FAM13A: variants seen among roughly 807,000 people sequenced by gnomAD.
FAM13A encodes protein FAM13A.
FAM13A carries 76 observed loss-of-function variants against 129.6 expected under a neutral mutation model. That is an observed-to-expected ratio of 0.59 (90% CI 0.49 to 0.71). The LOEUF (loss-of-function observed/expected upper bound fraction) is 0.71, where lower values mean the gene tolerates loss of function less well. Ranked by LOEUF, FAM13A falls within the 30% of genes least tolerant of loss-of-function variation. The pLI is 0.00. For synonymous variants in FAM13A, 443 were observed against 449.9 expected, an observed-to-expected ratio of 0.98 and a Z score of 0.20; for missense variants, 1,108 against 1,249.3, an observed-to-expected ratio of 0.89 and a Z score of 1.70.
At chr4:88,967,942 C>G (rs11727482) in intron 4 of FAM13A, among the ~76,000 whole-genome samples, 84,632 of 151,924 alleles carry the variant, frequency 0.56, 23,839 homozygotes, top group African/African-American at 0.64. Context: ...CTGAGTGAGA[C>G]AGGCTGTGGT....
intron 7 of FAM13A, among the ~76,000 whole-genome samples, chr4:88,833,060 C>G (rs192519724): frequency 8.5e-4 from 130 of 152,238 alleles, no homozygotes; most frequent in African/African-American, 2.9e-3. Context: ...TAAAAAGGAA[C>G]AAGATCATGT....
At chr4:88,817,242 A>G (rs540713536) in intron 7 of FAM13A, among the ~76,000 whole-genome samples, 1 of 152,316 alleles carries the variant, frequency 6.6e-6, no homozygotes, top group South Asian at 2.1e-4. Context: ...ATGATATGTG[A>G]ATTATATCTC....
intron 14 of FAM13A, among the ~76,000 whole-genome samples, chr4:88,758,388 C>T (rs1530924): frequency 0.5 from 76,059 of 151,210 alleles, 21,569 homozygotes; most frequent in Non-Finnish European, 0.65. Flanking sequence ...GGGAGGATCG[C>T]GCCACAGAAG....
intron 6 of FAM13A, among the ~76,000 whole-genome samples, chr4:88,869,485 A>G (rs998785736): frequency 1.3e-5 from 2 of 152,188 alleles, no homozygotes; most frequent in South Asian, 2.1e-4. Context: ...GGAAATGTGC[A>G]TATTACCATT....
At chr4:89,035,860 G>A (rs1246513686) in intron 1 of FAM13A, among the ~76,000 whole-genome samples, 2 of 152,192 alleles carry the variant, frequency 1.3e-5, no homozygotes, top group East Asian at 3.8e-4. Flanking sequence ...TGTACAGCCT[G>A]CAGAACTGTG....
At chr4:88,817,178 T>C (rs962846662) in intron 7 of FAM13A, among the ~76,000 whole-genome samples, 10 of 152,336 alleles carry the variant, frequency 6.6e-5, no homozygotes, top group African/African-American at 1.9e-4. Flanking sequence ...TATGATTACA[T>C]GCAAACTGTA....
chr4:88,987,405 T>C (rs1178542231), intron 4 of FAM13A, among the ~76,000 whole-genome samples: 2 of 152,192 alleles, frequency 1.3e-5, no homozygotes, highest in Non-Finnish European at 2.9e-5. Context: ...GCAAAGGGAA[T>C]GCCACAGCCT....
intron 4 of FAM13A, among the ~76,000 whole-genome samples, chr4:88,975,078 G>A (rs1045038446): frequency 2.9e-4 from 44 of 152,054 alleles, no homozygotes; most frequent in Non-Finnish European, 7.4e-5. Context: ...GTAAATTAAT[G>A]ATAAAACTTG....
In FAM13A at chr4:88,728,396, G is replaced by A. The variant is rs192297613; in HGVS notation, c.*137C>T. On this transcript the variant is annotated 3_prime_UTR_variant, in exon 24 of 24. Transcript: ENST00000264344. Reference sequence around the variant, plus strand: ...AAGGCAGGCAATGGAAACAGGAGCCGATGCCAAATGGTCTAGAGGCAGAAG... The same window carrying A: ...AAGGCAGGCAATGGAAACAGGAGCCAATGCCAAATGGTCTAGAGGCAGAAG... The A allele has an allele frequency of 1.6e-3, 1,582 of 986,478 alleles. 2 individuals carry two copies. Among genetic ancestry groups the A allele is most frequent in the Non-Finnish European group, 1.9e-3 (1,242 of 666,582 alleles). 61.1% of individuals were successfully genotyped at this position (986,478 alleles called of 1,614,324 possible). A position where few individuals can be genotyped will look rare whatever the true frequency, so the allele number is the denominator to read the frequency against.
chr4:88,881,138 G>C (rs761233778), intron 6 of FAM13A, among the ~76,000 whole-genome samples: 1 of 152,196 alleles, frequency 6.6e-6, no homozygotes, highest in Non-Finnish European at 1.5e-5. Flanking sequence ...ATGCTCTCTT[G>C]AAACTGCCAC....
chr4:88,761,847 T>G (rs1319102842), intron 13 of FAM13A, among the ~76,000 whole-genome samples: 4 of 152,212 alleles, frequency 2.6e-5, no homozygotes, highest in Non-Finnish European at 1.5e-5. Context: ...CAGTACCTAC[T>G]ATTTGCTAGA....
chr4:89,050,165 T>C (rs1771377253), intron 1 of FAM13A, among the ~76,000 whole-genome samples: 1 of 152,174 alleles, frequency 6.6e-6, no homozygotes, highest in South Asian at 2.1e-4. Flanking sequence ...TTGCCAGGTA[T>C]GGAAGTCTCC....
chr4:88,770,066 T>C (rs1720329419), intron 11 of FAM13A, among the ~76,000 whole-genome samples: 1 of 152,128 alleles, frequency 6.6e-6, no homozygotes, highest in Non-Finnish European at 1.5e-5. Context: ...AAACAGGAAA[T>C]ACAGTGTTTG....
At chr4:88,921,274 G>T (rs1033745774) in intron 5 of FAM13A, among the ~76,000 whole-genome samples, 8 of 151,974 alleles carry the variant, frequency 5.3e-5, no homozygotes, top group African/African-American at 1.7e-4. Context: ...TTGAAATGAA[G>T]GAAAAAATGT....
At chr4:88,854,233 C>T in intron 6 of FAM13A, among the ~76,000 whole-genome samples, 1 of 152,182 alleles carries the variant, frequency 6.6e-6, no homozygotes, top group East Asian at 1.9e-4. Context: ...GAGGGGAAGA[C>T]AGACAAGAAG....
chr4:88,985,522 A>T (rs1217654997), intron 4 of FAM13A, among the ~76,000 whole-genome samples: 1 of 152,206 alleles, frequency 6.6e-6, no homozygotes, highest in Non-Finnish European at 1.5e-5. Flanking sequence ...CTGACCTATC[A>T]GACTGGCAAG....
At chr4:88,971,113 T>C (rs982254764) in intron 4 of FAM13A, among the ~76,000 whole-genome samples, 3 of 151,770 alleles carry the variant, frequency 2.0e-5, no homozygotes, top group Non-Finnish European at 4.4e-5. Flanking sequence ...GGCAGGAGAA[T>C]GGCATGAGGC....
At chr4:88,888,673 C>A (rs1034195837) in intron 6 of FAM13A, among the ~76,000 whole-genome samples, 5 of 151,946 alleles carry the variant, frequency 3.3e-5, no homozygotes, top group Non-Finnish European at 5.9e-5. Flanking sequence ...CGCCTGTAAT[C>A]CCAGAATTTT....
intron 2 of FAM13A, among the ~76,000 whole-genome samples, chr4:89,023,189 C>A (rs1767502485): frequency 6.6e-6 from 1 of 152,184 alleles, no homozygotes; most frequent in Non-Finnish European, 1.5e-5. Flanking sequence ...CCAGCTTAAT[C>A]ATTTAAAGCT....
Sources: allele counts gnomAD v4.1 joint callset (sites outside exome capture counted in the v4.1 genomes callset), GRCh38; gene constraint gnomAD v4.1.1; transcripts MANE v1.5; gene names NCBI Gene and HGNC (gene_info 2026-07-23, HGNC 2026-07-21).